The following NBAS variants were observed in gnomAD, a reference collection of about 807,000 sequenced individuals.
NBAS encodes the protein NAG/BC035112 fusion.
In NBAS, 219 loss-of-function variants were observed where a neutral mutation model predicts 302.5. That is an observed-to-expected ratio of 0.72 (90% CI 0.65 to 0.81). NBAS has a LOEUF of 0.81. NBAS is among the 30% of genes least tolerant of loss of function. The probability of loss-of-function intolerance (pLI) is 0.00; values close to 1 mark genes in which losing one functional copy is unlikely to be tolerated. For missense variants in NBAS, 2,932 were observed against 2,841.6 expected (o/e 1.03, Z -0.72); for synonymous variants, 1,118 against 1,021.6 (o/e 1.09, Z -1.80).
At chr2:15,069,826 C>G in the NBAS span, among the ~76,000 whole-genome samples, 11 of 152,152 alleles carry the variant, frequency 7.2e-5, no homozygotes, top group African/African-American at 2.4e-4. Context: ...TGTCTGTGAA[C>G]ATTTGTTAAA....
the NBAS span, among the ~76,000 whole-genome samples, chr2:15,120,964 C>A: frequency 6.6e-6 from 1 of 152,172 alleles, no homozygotes; most frequent in Non-Finnish European, 1.5e-5. Flanking sequence ...TCTCTGATGA[C>A]CTATTCACAG....
downstream of NBAS, among the ~76,000 whole-genome samples, chr2:15,166,348 G>A (rs527322777): frequency 5.9e-5 from 9 of 152,160 alleles, no homozygotes; most frequent in South Asian, 6.2e-4. Context: ...TGAACATGTC[G>A]ATGCTGATAA....
the NBAS span, among the ~76,000 whole-genome samples, chr2:14,831,987 T>C: frequency 2.0e-5 from 3 of 152,170 alleles, no homozygotes; most frequent in Admixed American, 6.5e-5. Flanking sequence ...AGCTACACTT[T>C]AGGCATCACT....
At chr2:14,945,820 C>T in the NBAS span, among the ~76,000 whole-genome samples, 282 of 152,312 alleles carry the variant, frequency 1.9e-3, 1 homozygote, top group Middle Eastern at 3.4e-3. Context: ...GTGGCTCACA[C>T]CTGTAATATT....
the NBAS span, among the ~76,000 whole-genome samples, chr2:14,814,339 C>A: frequency 1.3e-5 from 2 of 152,202 alleles, no homozygotes; most frequent in Non-Finnish European, 2.9e-5. Flanking sequence ...GCACTCAATG[C>A]CAGCCTGTGA....
chr2:15,398,534 G>A (rs887823656), intron 26 of NBAS, among the ~76,000 whole-genome samples: 8 of 152,054 alleles, frequency 5.3e-5, no homozygotes, highest in Non-Finnish European at 1.0e-4. Context: ...TGACATTCAC[G>A]AACACAATGA....
the NBAS span, among the ~76,000 whole-genome samples, chr2:15,158,579 G>A: frequency 3.3e-5 from 5 of 152,186 alleles, no homozygotes; most frequent in African/African-American, 7.2e-5. Context: ...GGGCAGCTGC[G>A]AAGCCCCAGA....
the NBAS span, among the ~76,000 whole-genome samples, chr2:14,883,323 G>C: frequency 6.6e-6 from 1 of 152,126 alleles, no homozygotes; most frequent in Non-Finnish European, 1.5e-5. Flanking sequence ...ATGCCCTTTA[G>C]TACTAATGTT....
At chr2:14,911,342 C>T in the NBAS span, among the ~76,000 whole-genome samples, 1 of 152,270 alleles carries the variant, frequency 6.6e-6, no homozygotes, top group East Asian at 1.9e-4. Flanking sequence ...TTATTTTCTC[C>T]CCTATGAGAC....
At position 15,494,041 on chromosome 2, in the gene NBAS, G is replaced by A. The variant is rs115979169; in HGVS notation, c.955-5019C>T. 9.9e-3 allele frequency among the ~76,000 whole-genome samples: 1,505 copies of A among 152,120 alleles called. 29 individuals carry two copies. Among genetic ancestry groups the A allele is most frequent in the African/African-American group, 0.035 (1,444 of 41,488 alleles). On this transcript the variant is annotated intron_variant, in intron 11 of 51. Coordinates refer to ENST00000281513, the MANE Select transcript of NBAS (RefSeq NM_015909.4). ...GGGTTTCACCATGTTGGCCAAGCTG[G>A]TTCAACTCCTGACCTCAGGTGAACT... is the stretch of plus-strand genomic sequence containing the variant.
At chr2:14,886,596 G>T in the NBAS span, 1 of 152,214 alleles carries the variant, frequency 6.6e-6, no homozygotes, top group East Asian at 1.9e-4. Flanking sequence ...GTGAGATGAA[G>T]AAATGCACCT....
At chr2:15,423,004 T>C (rs1297963623) in intron 23 of NBAS, among the ~76,000 whole-genome samples, 1 of 152,216 alleles carries the variant, frequency 6.6e-6, no homozygotes, top group Non-Finnish European at 1.5e-5. Flanking sequence ...TCTTAAAAAA[T>C]GTCTAGGTGC....
intron 44 of NBAS, among the ~76,000 whole-genome samples, chr2:15,263,523 C>G (rs1668942775): frequency 6.6e-6 from 1 of 152,132 alleles, no homozygotes; most frequent in Non-Finnish European, 1.5e-5. Context: ...ATTCCCAGGC[C>G]CCTTCCTATC....
intron 25 of NBAS, among the ~76,000 whole-genome samples, chr2:15,415,071 T>C (rs546175567): frequency 3.9e-4 from 60 of 152,222 alleles, no homozygotes; most frequent in Non-Finnish European, 7.6e-4. Flanking sequence ...GTGTACTGGT[T>C]AAGGACACAG....
At chr2:15,486,536 A>G (rs72778655) in intron 12 of NBAS, among the ~76,000 whole-genome samples, 1 of 152,284 alleles carries the variant, frequency 6.6e-6, no homozygotes, top group Non-Finnish European at 1.5e-5. Flanking sequence ...CCAGACTCTC[A>G]GGGTATTTGT....
the NBAS span, among the ~76,000 whole-genome samples, chr2:15,145,481 T>C: frequency 6.6e-6 from 1 of 151,876 alleles, no homozygotes; most frequent in Non-Finnish European, 1.5e-5. Context: ...AAAGCTTTTA[T>C]TATGGTTTAA....
intron 34 of NBAS, 31 bp downstream of exon 34, chr2:15,353,522 A>G: frequency 6.2e-7 from 1 of 1,613,288 alleles, no homozygotes; most frequent in South Asian, 1.1e-5. Context: ...GACGTCATAC[A>G]GGTTAGGATT....
rs576599763 is a variant in NBAS, at chr2:15,531,997, C to G, written c.746+2546G>C. On this transcript the variant is annotated intron_variant, in intron 9 of 51. Transcript: ENST00000281513. Reference sequence around the variant, plus strand: ...TCTGTCACTCCCTCGAAAAGTTCCACGAGGAAGATATACCCTAAGCACCTG... The same window carrying G: ...TCTGTCACTCCCTCGAAAAGTTCCAGGAGGAAGATATACCCTAAGCACCTG... Among the ~76,000 whole-genome samples, 12 of 152,002 alleles carry G rather than the reference C, an allele frequency of 7.9e-5. No homozygotes were observed. The South Asian group carries it at 2.5e-3, about 32-fold the overall frequency.
chr2:15,452,276 A>G (rs549050037), intron 21 of NBAS, among the ~76,000 whole-genome samples: 11 of 152,328 alleles, frequency 7.2e-5, no homozygotes, highest in African/African-American at 2.4e-5. Flanking sequence ...TTACAATTCA[A>G]TATTTTTTAA....
Sources: allele counts gnomAD v4.1 joint callset (sites outside exome capture counted in the v4.1 genomes callset), GRCh38; gene constraint gnomAD v4.1.1; transcripts MANE v1.5; gene names NCBI Gene and HGNC (gene_info 2026-07-23, HGNC 2026-07-21).